Variants in UNC79 observed in about 807,000 individuals in gnomAD.
UNC79 encodes unc-79 subunit of NALCN channel complex.
UNC79 carries 37 observed loss-of-function variants against 283.1 expected under a neutral mutation model. The observed-to-expected ratio is 0.13, with a 90% confidence interval of 0.10 to 0.17. The LOEUF is 0.17. Among genes scored for constraint, UNC79 ranks in the 10% least tolerant of loss-of-function variants. UNC79 has a pLI of 1.00. For synonymous variants in UNC79, 1,107 were observed against 1,200.2 expected, an observed-to-expected ratio of 0.92 and a Z score of 1.61; for missense variants, 2,272 against 3,211.1, an observed-to-expected ratio of 0.71 and a Z score of 7.07.
At chr14:93,417,208 G>A (rs1164752171) in intron 1 of UNC79, among the ~76,000 whole-genome samples, 1 of 151,876 alleles carries the variant, frequency 6.6e-6, no homozygotes, top group East Asian at 1.9e-4. Context: ...CTCTTTTAGG[G>A]CAGGCCTGGT....
chr14:93,594,250 G>A (rs2064895698), intron 23 of UNC79, among the ~76,000 whole-genome samples: 1 of 152,002 alleles, frequency 6.6e-6, no homozygotes, highest in Admixed American at 6.6e-5. Context: ...GGGAGGTGGG[G>A]GTGATGCCAG....
At chr14:93,484,997 C>A (rs1348526460) in intron 4 of UNC79, among the ~76,000 whole-genome samples, 3 of 152,088 alleles carry the variant, frequency 2.0e-5, no homozygotes, top group African/African-American at 7.2e-5. Flanking sequence ...ATAGGCTTCG[C>A]CTAAATCATC....
chr14:93,476,180 C>G lies in UNC79; in HGVS notation c.449-1378C>G, dbSNP rs372672711. The stretch of plus-strand genomic sequence containing the variant: ...CTTCTTTTGCATAGACTTTGAGAGC[C>G]GCTGCACTAAGACCGGAGGCTGTGT... On this transcript the variant is annotated intron_variant, in intron 3 of 48. Coordinates refer to ENST00000555664, the Ensembl canonical transcript of UNC79. 3.3e-5 allele frequency among the ~76,000 whole-genome samples: 5 copies of G among 152,088 alleles called. No homozygotes were observed. In the South Asian group the frequency reaches 8.4e-4, roughly 25 times the overall value.
chr14:93,707,017 C>G, downstream of UNC79: 1 of 1,298,640 alleles, frequency 7.7e-7, no homozygotes, highest in Admixed American at 2.5e-5. Context: ...CATTCTCTTT[C>G]TAGTTTAGTA....
chr14:93,417,331 AG>A (rs1467106000), intron 1 of UNC79, among the ~76,000 whole-genome samples: 3 of 152,122 alleles, frequency 2.0e-5, no homozygotes, highest in Admixed American at 6.6e-5. Context: ...CTTTTCTTTA[AG>A]AATGTTGAAT....
downstream of UNC79, chr14:93,707,152 T>C (rs2075927595): frequency 2.4e-6 from 1 of 408,964 alleles, no homozygotes; most frequent in Non-Finnish European, 4.3e-6. Context: ...AAATCATTTT[T>C]CTTTAACTAA....
At chr14:93,420,187 A>T (rs1335849419) in intron 1 of UNC79, among the ~76,000 whole-genome samples, 2 of 151,372 alleles carry the variant, frequency 1.3e-5, no homozygotes, top group Admixed American at 1.3e-4. Context: ...ATAAAAAAAA[A>T]AAAAAGACCC....
chr14:93,344,304 C>T (rs2053777982), intron 1 of UNC79, among the ~76,000 whole-genome samples: 1 of 152,164 alleles, frequency 6.6e-6, no homozygotes, highest in Admixed American at 6.5e-5. Context: ...TATCGTCTTT[C>T]TTAAAGCTCT....
At chr14:93,450,758 A>G (rs954935722) in intron 1 of UNC79, among the ~76,000 whole-genome samples, 7 of 152,202 alleles carry the variant, frequency 4.6e-5, no homozygotes, top group African/African-American at 1.7e-4. Flanking sequence ...AACAAAGTGC[A>G]TTGCTATGTG....
intron 4 of UNC79, among the ~76,000 whole-genome samples, chr14:93,478,563 A>G (rs1204167323): frequency 6.6e-6 from 1 of 152,180 alleles, no homozygotes; most frequent in Non-Finnish European, 1.5e-5. Flanking sequence ...ATATGACTTT[A>G]GGCAAATTAC....
chr14:93,699,706 C>A (rs2075392874), intron 47 of UNC79, among the ~76,000 whole-genome samples: 1 of 152,152 alleles, frequency 6.6e-6, no homozygotes, highest in African/African-American at 2.4e-5. Context: ...TTTCCCACCT[C>A]CTGACTTTTT....
intron 1 of UNC79, among the ~76,000 whole-genome samples, chr14:93,362,984 A>G (rs1421311029): frequency 6.6e-6 from 1 of 151,822 alleles, no homozygotes; most frequent in Non-Finnish European, 1.5e-5. Flanking sequence ...TAGCTCTAAT[A>G]TGATTATTTT....
chr14:93,697,046 C>T (rs902660266), intron 47 of UNC79, among the ~76,000 whole-genome samples: 2 of 151,960 alleles, frequency 1.3e-5, no homozygotes, highest in Non-Finnish European at 2.9e-5. Flanking sequence ...CGTCAAATTG[C>T]CTTTGCACTT....
intron 31 of UNC79, among the ~76,000 whole-genome samples, chr14:93,635,411 G>A (rs2068425993): frequency 6.6e-6 from 1 of 152,004 alleles, no homozygotes; most frequent in Non-Finnish European, 1.5e-5. Context: ...AAAATGTAAG[G>A]GCTTATTATG....
chr14:93,477,570 C>G (rs1452875997), exon 4 of UNC79: 1 of 1,599,404 alleles, frequency 6.3e-7, no homozygotes, highest in Non-Finnish European at 8.5e-7. Flanking sequence ...CTTGGACAGT[C>G]GATATTTTAT....
chr14:93,605,109 A>G, intron 26 of UNC79, 148 bp downstream of exon 27: 1 of 720,174 alleles, frequency 1.4e-6, no homozygotes, highest in Non-Finnish European at 2.1e-6. Context: ...CAAGTGTTTG[A>G]ACCCCTGATA....
intron 31 of UNC79, 90 bp from the exon 34 acceptor site, chr14:93,634,431 G>T (rs1215957784): frequency 3.2e-6 from 3 of 929,784 alleles, no homozygotes; most frequent in Non-Finnish European, 5.1e-6. Context: ...AGCAAATGAA[G>T]GGTCAATTAA....
chr14:93,508,758 A>G (rs1234811479), intron 7 of UNC79, among the ~76,000 whole-genome samples: 1 of 152,224 alleles, frequency 6.6e-6, no homozygotes, highest in Admixed American at 6.5e-5. Flanking sequence ...AAATTCAATT[A>G]TTAGTTCTAG....
At chr14:93,445,213 A>G (rs532727543) in intron 1 of UNC79, among the ~76,000 whole-genome samples, 2 of 152,348 alleles carry the variant, frequency 1.3e-5, no homozygotes, top group East Asian at 3.9e-4. Context: ...TATATGTATA[A>G]TTGAAGGTTT....
Sources: allele counts gnomAD v4.1 joint callset (sites outside exome capture counted in the v4.1 genomes callset), GRCh38; gene constraint gnomAD v4.1.1; transcripts MANE v1.5; gene names NCBI Gene and HGNC (gene_info 2026-07-23, HGNC 2026-07-21).